The following GLIS3 variants were observed in gnomAD, a reference collection of about 807,000 sequenced individuals.
GLIS3 encodes the protein zinc finger protein GLIS3.
GLIS3 carries 53 observed loss-of-function variants against 78.6 expected under a neutral mutation model. That is an observed-to-expected ratio of 0.67 (90% confidence interval 0.54 to 0.85). The LOEUF (loss-of-function observed/expected upper bound fraction) is 0.85. Among genes scored for constraint, GLIS3 ranks in the 40% least tolerant of loss-of-function variants. GLIS3 has a pLI of 0.00. For missense variants in GLIS3, 1,703 were observed against 1,231.1 expected, an observed-to-expected ratio of 1.38 and a Z score of -5.74; for synonymous variants, 684 against 509.9, an observed-to-expected ratio of 1.34 and a Z score of -4.60.
At chr9:4,129,611 T>A (rs13293626) in intron 2 of GLIS3, among the ~76,000 whole-genome samples, 33,667 of 152,134 alleles carry the variant, frequency 0.22, 4,077 homozygotes, top group Middle Eastern at 0.35. Flanking sequence ...CCTTCCACCA[T>A]GATTGAAAGT....
intron 4 of GLIS3, among the ~76,000 whole-genome samples, chr9:4,055,002 G>C (rs1480354748): frequency 1.3e-5 from 2 of 152,128 alleles, no homozygotes; most frequent in African/African-American, 4.8e-5. Flanking sequence ...GATATCTAGA[G>C]CTTTTAAAAA....
chr9:3,899,590 A>G (rs1303894908), intron 6 of GLIS3, among the ~76,000 whole-genome samples: 1 of 152,192 alleles, frequency 6.6e-6, no homozygotes, highest in Admixed American at 6.5e-5. Context: ...CAAAAACATA[A>G]TACCTTAAAA....
At chr9:4,182,562 A>G (rs941639706) in intron 2 of GLIS3, among the ~76,000 whole-genome samples, 19 of 152,222 alleles carry the variant, frequency 1.2e-4, no homozygotes, top group African/African-American at 4.6e-4. Context: ...AAGCATGGGG[A>G]GTTGTGGGTA....
At chr9:4,444,972 T>A in the GLIS3 span, among the ~76,000 whole-genome samples, 1 of 152,250 alleles carries the variant, frequency 6.6e-6, no homozygotes, top group Non-Finnish European at 1.5e-5. Flanking sequence ...TTTTTTCACA[T>A]GGAACCTCTC....
rs537616442 is a variant in GLIS3, at chr9:4,121,037, A to C, written c.597-2156T>G. Among the ~76,000 whole-genome samples the C allele has an allele frequency of 3.3e-5, 5 of 152,322 alleles. No individual in the cohort carries two copies. The East Asian group carries it at 7.7e-4, about 23-fold the overall frequency. ...TTTTTGGGCATCTGAGTTTTCTAAGACAATTATATATTTTTCAGAAAGCAA... is the reference window on the plus strand; with the variant it reads ...TTTTTGGGCATCTGAGTTTTCTAAGCCAATTATATATTTTTCAGAAAGCAA... On this transcript the variant is annotated intron_variant, in intron 3 of 10. Coordinates refer to ENST00000381971, the MANE Select transcript of GLIS3 (RefSeq NM_001042413.2).
the GLIS3 span, among the ~76,000 whole-genome samples, chr9:4,363,975 G>T: frequency 6.6e-6 from 1 of 152,170 alleles, no homozygotes; most frequent in African/African-American, 2.4e-5. Context: ...TCAAGAGTTC[G>T]CAATCTTTGG....
At chr9:4,191,340 T>TA (rs1179158438) in intron 2 of GLIS3, among the ~76,000 whole-genome samples, 1 of 152,228 alleles carries the variant, frequency 6.6e-6, no homozygotes. Context: ...CTGAGCATTT[T>TA]AGAGTTGATG....
At chr9:4,199,811 TA>T (rs1370868651) in intron 2 of GLIS3, among the ~76,000 whole-genome samples, 2 of 152,142 alleles carry the variant, frequency 1.3e-5, no homozygotes, top group Non-Finnish European at 2.9e-5. Context: ...CAATTGGACC[TA>T]ATAGATATGT....
intron 4 of GLIS3, among the ~76,000 whole-genome samples, chr9:4,005,344 C>T (rs1318112524): frequency 6.6e-6 from 1 of 152,140 alleles, no homozygotes; most frequent in African/African-American, 2.4e-5. Flanking sequence ...TTCATGTGTG[C>T]ATGGATGCAT....
chr9:4,218,348 G>A (rs533342155), intron 2 of GLIS3, among the ~76,000 whole-genome samples: 2 of 151,932 alleles, frequency 1.3e-5, no homozygotes, highest in East Asian at 1.9e-4. Context: ...GTGCGATCTC[G>A]GCTCACTGCA....
chr9:3,896,283 G>A (rs1166158411), intron 7 of GLIS3, among the ~76,000 whole-genome samples: 2 of 152,000 alleles, frequency 1.3e-5, no homozygotes, highest in East Asian at 3.9e-4. Context: ...TTGGTTTGTT[G>A]CCTACTCTGC....
chr9:4,240,193 G>C (rs960816322), intron 2 of GLIS3, among the ~76,000 whole-genome samples: 3 of 24,936 alleles, frequency 1.2e-4, no homozygotes, highest in Admixed American at 8.0e-4. Flanking sequence ...ATGTGGGGGA[G>C]GTGGGGGGGG....
At chr9:4,358,271 T>C in the GLIS3 span, among the ~76,000 whole-genome samples, 13 of 152,288 alleles carry the variant, frequency 8.5e-5, no homozygotes, top group Non-Finnish European at 1.8e-4. Flanking sequence ...TTTTGTATAC[T>C]CGTTTTAATG....
rs764863612 is a variant in GLIS3 at position 3,966,435 on chromosome 9, C to CTTTTTTT, written c.1711-29247_1711-29246insAAAAAAA. 2.6e-3 allele frequency among the ~76,000 whole-genome samples: 389 copies of CTTTTTTT among 150,820 alleles called. 5 individuals are homozygous for CTTTTTTT. Among genetic ancestry groups the CTTTTTTT allele is most frequent in the Non-Finnish European group, 2.8e-3 (192 of 67,766 alleles). Reference sequence around the variant, plus strand: ...TAAATTTGACTTCAATGATGCAAAGCCTTTTTTTTTTCAGATAATGCTAAT... The same window carrying CTTTTTTT: ...TAAATTTGACTTCAATGATGCAAAGCTTTTTTTCTTTTTTTTTTCAGATAATGCTAAT... On this transcript the variant is annotated intron_variant, in intron 4 of 10. Transcript: ENST00000381971.
chr9:4,262,188 C>A (rs576789836), intron 2 of GLIS3, among the ~76,000 whole-genome samples: 1 of 152,022 alleles, frequency 6.6e-6, no homozygotes, highest in Non-Finnish European at 1.5e-5. Context: ...GAAAAGGAGA[C>A]GGAAAACTCT....
At chr9:4,059,827 T>TGAGAGAGAGA (rs1252079860) in intron 4 of GLIS3, among the ~76,000 whole-genome samples, 175 of 106,710 alleles carry the variant, frequency 1.6e-3, no homozygotes, top group African/African-American at 5.6e-3. Context: ...TGTGTGTGTG[T>TGAGAGAGAGA]GTGAGAGAGA....
intron 2 of GLIS3, among the ~76,000 whole-genome samples, chr9:4,311,588 C>G (rs953551823): frequency 5.3e-5 from 8 of 152,132 alleles, no homozygotes; most frequent in African/African-American, 1.7e-4. Context: ...CAGAATAACT[C>G]CACACTCCCC....
At chr9:4,409,642 T>C in the GLIS3 span, among the ~76,000 whole-genome samples, 20 of 152,192 alleles carry the variant, frequency 1.3e-4, no homozygotes, top group African/African-American at 4.8e-4. Context: ...ATTCTAGTAA[T>C]TTCAAACAAA....
chr9:4,215,793 T>C (rs1820772095), intron 2 of GLIS3, among the ~76,000 whole-genome samples: 1 of 152,220 alleles, frequency 6.6e-6, no homozygotes, highest in East Asian at 1.9e-4. Context: ...CTTTCAATGT[T>C]TGTCTTCTTC....
Sources: gnomAD v4.1 joint callset for allele counts (sites outside exome capture counted in the v4.1 genomes callset) on GRCh38, gnomAD v4.1.1 for gene constraint, MANE v1.5 for transcripts, NCBI Gene and HGNC (gene_info 2026-07-23, HGNC 2026-07-21) for gene names.